Variants in HEMK2 observed in about 807,000 individuals in gnomAD.
HEMK2 encodes methyltransferase HEMK2.
the HEMK2 span, among the ~76,000 whole-genome samples, chr21:28,723,416 C>A: frequency 6.6e-6 from 1 of 152,182 alleles, no homozygotes; most frequent in African/African-American, 2.4e-5. Context: ...GGATTAGTAG[C>A]AGGTGTTGCT....
the HEMK2 span, among the ~76,000 whole-genome samples, chr21:28,630,198 T>A: frequency 6.6e-6 from 1 of 152,134 alleles, no homozygotes; most frequent in African/African-American, 2.4e-5. Flanking sequence ...TCACTGGCCA[T>A]CAGAGAAACA....
the HEMK2 span, among the ~76,000 whole-genome samples, chr21:28,806,635 T>A: frequency 6.6e-6 from 1 of 152,160 alleles, no homozygotes; most frequent in African/African-American, 2.4e-5. Context: ...TTTCCTGGTC[T>A]GCAAAAGACA....
At chr21:28,754,583 C>T in the HEMK2 span, among the ~76,000 whole-genome samples, 3 of 152,168 alleles carry the variant, frequency 2.0e-5, no homozygotes, top group South Asian at 2.1e-4. Context: ...ATATCCAAAA[C>T]GACACAACCT....
chr21:28,769,940 G>A, the HEMK2 span, among the ~76,000 whole-genome samples: 1 of 151,996 alleles, frequency 6.6e-6, no homozygotes, highest in Non-Finnish European at 1.5e-5. Flanking sequence ...CCTGCCTTTG[G>A]GCTAATGAAT....
At chr21:28,638,527 C>A in the HEMK2 span, among the ~76,000 whole-genome samples, 1 of 151,102 alleles carries the variant, frequency 6.6e-6, no homozygotes, top group Admixed American at 6.6e-5. Flanking sequence ...AAGGAGAGGA[C>A]ATGTCTGATT....
chr21:28,602,868 A>C, the HEMK2 span, among the ~76,000 whole-genome samples: 1 of 152,188 alleles, frequency 6.6e-6, no homozygotes, highest in Admixed American at 6.5e-5. Context: ...CAACAAGAGG[A>C]GTAGCCTGCT....
chr21:28,705,217 T>A, the HEMK2 span, among the ~76,000 whole-genome samples: 2,013 of 152,262 alleles, frequency 0.013, 23 homozygotes, highest in Admixed American at 0.019. Flanking sequence ...TTTTTTAACA[T>A]TTTACTGAGC....
At chr21:28,763,503 A>C in the HEMK2 span, among the ~76,000 whole-genome samples, 1 of 152,202 alleles carries the variant, frequency 6.6e-6, no homozygotes, top group East Asian at 1.9e-4. Context: ...CCCACGATCC[A>C]GCGACTTCCC....
chr21:28,671,513 GAAATC>G, the HEMK2 span, among the ~76,000 whole-genome samples: 3 of 152,156 alleles, frequency 2.0e-5, no homozygotes, highest in African/African-American at 4.8e-5. Flanking sequence ...CATTTGACAT[GAAATC>G]AAACATTTCT....
chr21:28,743,788 C>T, the HEMK2 span, among the ~76,000 whole-genome samples: 3 of 152,312 alleles, frequency 2.0e-5, no homozygotes, highest in South Asian at 6.2e-4. Flanking sequence ...AACTGTTATG[C>T]TTGGATCATG....
chr21:28,612,232 C>G, the HEMK2 span, among the ~76,000 whole-genome samples: 2,945 of 150,934 alleles, frequency 0.02, 99 homozygotes, highest in African/African-American at 0.068. Context: ...GATAATCCAC[C>G]ATGATCAAAT....
chr21:28,613,085 TAGATAGATAGAA>T, the HEMK2 span, among the ~76,000 whole-genome samples: 23 of 150,744 alleles, frequency 1.5e-4, no homozygotes, highest in African/African-American at 4.9e-4. Context: ...GATAGATAGA[TAGATAGATAGAA>T]AGATAGATAG....
At chr21:28,587,238 T>C in the HEMK2 span, among the ~76,000 whole-genome samples, 2 of 151,872 alleles carry the variant, frequency 1.3e-5, no homozygotes, top group Non-Finnish European at 2.9e-5. Flanking sequence ...TCTAAACTAC[T>C]CATGCCAATT....
the HEMK2 span, among the ~76,000 whole-genome samples, chr21:28,606,156 A>T: frequency 1.4e-4 from 22 of 152,154 alleles, no homozygotes; most frequent in Admixed American, 1.4e-3. Context: ...CAGTATAGAG[A>T]GATAGTACTG....
the HEMK2 span, among the ~76,000 whole-genome samples, chr21:28,841,509 C>T: frequency 7.7e-6 from 1 of 129,526 alleles, no homozygotes. Flanking sequence ...GAATTAACAG[C>T]ATCTGCAGTG....
chr21:28,641,689 T>C, the HEMK2 span, among the ~76,000 whole-genome samples: 1 of 152,366 alleles, frequency 6.6e-6, no homozygotes, highest in African/African-American at 2.4e-5. Flanking sequence ...CTGAGAGATT[T>C]ATTTCACTTA....
the HEMK2 span, among the ~76,000 whole-genome samples, chr21:28,736,497 T>C: frequency 6.6e-6 from 1 of 152,236 alleles, no homozygotes; most frequent in Admixed American, 6.5e-5. Flanking sequence ...GGCTCATGCC[T>C]GTAATCCCAA....
chr21:28,628,583 G>A, the HEMK2 span, among the ~76,000 whole-genome samples: 2 of 152,126 alleles, frequency 1.3e-5, no homozygotes. Flanking sequence ...TCCCAAGCTA[G>A]CTGGAATTAC....
At chr21:28,871,717 T>TAGACACAG in the HEMK2 span, among the ~76,000 whole-genome samples, 2 of 152,196 alleles carry the variant, frequency 1.3e-5, no homozygotes, top group Non-Finnish European at 2.9e-5. Flanking sequence ...CTCACAGTTC[T>TAGACACAG]TGAGGCTAGG....
Sources: gnomAD v4.1 joint callset for allele counts (sites outside exome capture counted in the v4.1 genomes callset) on GRCh38, gnomAD v4.1.1 for gene constraint, MANE v1.5 for transcripts, NCBI Gene and HGNC (gene_info 2026-07-23, HGNC 2026-07-21) for gene names.